Variants in PCDHA7 observed in about 807,000 individuals in gnomAD.
The protein encoded by PCDHA7 is protocadherin alpha 7.
A neutral mutation model predicts 57.2 loss-of-function variants in PCDHA7; 37 were observed. The observed-to-expected ratio is 0.65, with a 90% confidence interval of 0.50 to 0.85. PCDHA7 has a LOEUF of 0.85. Among genes scored for constraint, PCDHA7 ranks in the 40% least tolerant of loss-of-function variants. The pLI is 0.00. For synonymous variants in PCDHA7, 553 were observed against 558.8 expected, an observed-to-expected ratio of 0.99 and a Z score of 0.15; for missense variants, 1,188 against 1,241.8, an observed-to-expected ratio of 0.96 and a Z score of 0.65.
Position 140,855,115 on chromosome 5 carries a change from T to G in PCDHA7, c.2355+18377T>G, listed in dbSNP as rs1220920177. On this transcript the variant is annotated intron_variant, in intron 1 of 3. Coordinates refer to ENST00000525929, the MANE Select transcript of PCDHA7 (RefSeq NM_018910.3). ...TGTGCAGTAGCAATAATTAAGGCAT[T>G]CTATAGGTAATAATTTTGCCTGATG... 1.3e-5 allele frequency among the ~76,000 whole-genome samples: 2 copies of G among 149,816 alleles called. 1 individual carries two copies. The highest frequency in any genetic ancestry group is 3.0e-5 in the Non-Finnish European group (2 of 67,072).
chr5:140,897,349 A>G (rs539353387), intron 1 of PCDHA7, among the ~76,000 whole-genome samples: 33 of 107,320 alleles, frequency 3.1e-4, no homozygotes, highest in African/African-American at 1.0e-3. Flanking sequence ...CCACCCCACA[A>G]CTGTCCCCAG....
At chr5:140,906,111 C>T (rs910809345) in intron 1 of PCDHA7, among the ~76,000 whole-genome samples, 1 of 152,100 alleles carries the variant, frequency 6.6e-6, no homozygotes, top group Admixed American at 6.5e-5. Flanking sequence ...TTTCCCAGTC[C>T]ACTGACACAA....
At chr5:140,863,429 G>A (rs781937083) in intron 1 of PCDHA7, 1 of 653,862 alleles carries the variant, frequency 1.5e-6, no homozygotes, top group East Asian at 4.5e-5. Flanking sequence ...AGCGTAGTGG[G>A]ATCTGGTCTT....
chr5:140,844,707 T>C lies in PCDHA7; in HGVS notation c.2355+7969T>C, dbSNP rs2150373340. Among the ~76,000 whole-genome samples, 21 of 149,764 alleles carry C rather than the reference T, an allele frequency of 1.4e-4. 3 individuals carry two copies. The highest frequency in any genetic ancestry group is 3.0e-4 in the Non-Finnish European group (20 of 66,878). ...TTATACAGAATATTTGGGATTATCA[T>C]GGCCCATTAGTTCGTGTAAAAATAT... On this transcript the variant is annotated intron_variant, in intron 1 of 3. Transcript: ENST00000525929.
chr5:140,870,507 A>G (rs782584168), intron 1 of PCDHA7: 3 of 1,614,128 alleles, frequency 1.9e-6, no homozygotes, highest in African/African-American at 1.3e-5. Context: ...AGAACAACCC[A>G]CCAGGCTGCC....
intron 1 of PCDHA7, chr5:140,966,657 G>A: frequency 1.7e-6 from 2 of 1,210,192 alleles, no homozygotes; most frequent in Admixed American, 3.9e-5. Context: ...TGAGCGGTGG[G>A]GGAGCAGGCG....
intron 1 of PCDHA7, among the ~76,000 whole-genome samples, chr5:140,898,597 G>T (rs1452719602): frequency 6.6e-6 from 1 of 152,186 alleles, no homozygotes; most frequent in Non-Finnish European, 1.5e-5. Context: ...CTGTAGCCTT[G>T]TAGTATAGTT....
intron 1 of PCDHA7, among the ~76,000 whole-genome samples, chr5:140,965,185 CAT>C (rs782612335): frequency 4.6e-5 from 7 of 152,138 alleles, no homozygotes; most frequent in Non-Finnish European, 1.0e-4. Flanking sequence ...TTTTTTTGCA[CAT>C]GAGGCAATAG....
chr5:140,839,326 C>T (rs1338005685), intron 1 of PCDHA7, among the ~76,000 whole-genome samples: 1 of 151,830 alleles, frequency 6.6e-6, no homozygotes, highest in Non-Finnish European at 1.5e-5. Context: ...TTGGGAAATA[C>T]CTGAAGTTGA....
chr5:140,983,387 G>T (rs1417783796), intron 3 of PCDHA7, among the ~76,000 whole-genome samples: 1 of 152,188 alleles, frequency 6.6e-6, no homozygotes, highest in Non-Finnish European at 1.5e-5. Flanking sequence ...CGCTGTGGCA[G>T]TTTTCAGAAA....
intron 3 of PCDHA7, among the ~76,000 whole-genome samples, chr5:140,982,945 G>A (rs2097017253): frequency 6.6e-6 from 1 of 151,722 alleles, no homozygotes; most frequent in Non-Finnish European, 1.5e-5. Flanking sequence ...TTTGGTTGAA[G>A]ACTATGGAAA....
chr5:140,849,962 G>T, intron 1 of PCDHA7: 1 of 1,597,888 alleles, frequency 6.3e-7, no homozygotes, highest in Non-Finnish European at 8.6e-7. Flanking sequence ...AGAACGCCCT[G>T]GTGTCCTACT....
At chr5:140,969,847 A>G (rs2096364168) in intron 1 of PCDHA7, among the ~76,000 whole-genome samples, 1 of 152,150 alleles carries the variant, frequency 6.6e-6, no homozygotes. Flanking sequence ...TATCTAGTTA[A>G]TATTTCTGGT....
chr5:140,883,683 G>A lies in PCDHA7; in HGVS notation c.2355+46945G>A, dbSNP rs1015362604. ...GTGAAGGAAAACAATCCGCCGGGCT[G>A]CCACATCTTCACGGTGTCTGCTCAG... On this transcript the variant is annotated intron_variant, in intron 1 of 3. Transcript: ENST00000525929. 4 of 1,613,808 alleles carry A rather than the reference G, an allele frequency of 2.5e-6. No individual in the cohort carries two copies. Among genetic ancestry groups the A allele is most frequent in the Non-Finnish European group, 3.4e-6 (4 of 1,179,896 alleles).
intron 1 of PCDHA7, chr5:140,862,823 C>A (rs782375120): frequency 8.7e-6 from 5 of 571,444 alleles, no homozygotes; most frequent in Admixed American, 1.9e-5. Flanking sequence ...TAGGTGAGAG[C>A]GCGCGACGCG....
intron 1 of PCDHA7, chr5:140,969,137 T>A (rs1326685727): frequency 6.2e-7 from 1 of 1,614,036 alleles, no homozygotes. Flanking sequence ...CACCAAGACC[T>A]ACTGCTACAA....
intron 3 of PCDHA7, among the ~76,000 whole-genome samples, chr5:140,999,505 A>T (rs1221080631): frequency 1.3e-5 from 2 of 152,134 alleles, no homozygotes; most frequent in African/African-American, 4.8e-5. Context: ...AAGAACCTAC[A>T]TTTTAAGCAT....
rs2150258870 is a variant in PCDHA7, at chr5:140,836,371, C to G, written c.1988C>G (p.Ala663Gly). Residue 663 changes from alanine to glycine, a missense_variant, in exon 1 of 4, where the codon GCC becomes GGC. Transcript: ENST00000525929. Reference protein sequence around the residue: ...DHGEPSLTATATVLVSLVESG... With the variant: ...DHGEPSLTATGTVLVSLVESG... Reference sequence around the variant, plus strand: ...GGGGAGCCCTCGCTGACAGCCACAGCCACCGTGCTGGTGTCGCTGGTGGAA... The same window carrying G: ...GGGGAGCCCTCGCTGACAGCCACAGGCACCGTGCTGGTGTCGCTGGTGGAA... The G allele has an allele frequency of 3.1e-3, 4,936 of 1,613,708 alleles. 180 individuals are homozygous for G. The African/African-American group carries it at 0.055, about 18-fold the overall frequency.
intron 1 of PCDHA7, chr5:140,866,669 T>C (rs571274167): frequency 6.6e-6 from 1 of 152,260 alleles, no homozygotes; most frequent in South Asian, 2.1e-4. Context: ...CAAGAAATAA[T>C]AGCACTAGGT....
Sources: gnomAD v4.1 joint callset for allele counts (sites outside exome capture counted in the v4.1 genomes callset) on GRCh38, gnomAD v4.1.1 for gene constraint, MANE v1.5 for transcripts, NCBI Gene and HGNC (gene_info 2026-07-23, HGNC 2026-07-21) for gene names.